The following SLX4IP variants were observed in gnomAD, a reference collection of about 807,000 sequenced individuals.
SLX4IP encodes protein SLX4IP.
A neutral mutation model predicts 32.9 loss-of-function variants in SLX4IP; 34 were observed. The ratio of observed to expected loss-of-function variants is 1.03; its 90% CI spans 0.79 to 1.38. The LOEUF (loss-of-function observed/expected upper bound fraction) is 1.38, where lower values mean the gene tolerates loss of function less well. Among genes scored for constraint, SLX4IP ranks in the 40% most tolerant of loss-of-function variants. The pLI, the probability that SLX4IP is intolerant of heterozygous loss-of-function variation, is 0.00. For synonymous variants in SLX4IP, 172 were observed against 171.7 expected, an observed-to-expected ratio of 1.00 and a Z score of -0.01; for missense variants, 444 against 479.0, an observed-to-expected ratio of 0.93 and a Z score of 0.68.
intron 2 of SLX4IP, among the ~76,000 whole-genome samples, chr20:10,498,789 A>G (rs2083560767): frequency 6.6e-6 from 1 of 151,006 alleles, no homozygotes; most frequent in East Asian, 1.9e-4. Context: ...GATTTTTAAT[A>G]TCCATATTAA....
chr20:10,556,838 A>C (rs1381966925), intron 3 of SLX4IP, among the ~76,000 whole-genome samples: 1 of 152,242 alleles, frequency 6.6e-6, no homozygotes, highest in Non-Finnish European at 1.5e-5. Context: ...CAGGAAAGCC[A>C]GTAGCCGGGG....
At chr20:10,473,281 TA>T (rs2065441864) in intron 2 of SLX4IP, among the ~76,000 whole-genome samples, 1 of 152,156 alleles carries the variant, frequency 6.6e-6, no homozygotes, top group South Asian at 2.1e-4. Flanking sequence ...GCTCAGCAAC[TA>T]AGGGCAGTAG....
intron 2 of SLX4IP, among the ~76,000 whole-genome samples, chr20:10,476,409 A>T (rs1291827510): frequency 1.3e-5 from 2 of 152,162 alleles, no homozygotes; most frequent in African/African-American, 2.4e-5. Flanking sequence ...TTCCATTTGT[A>T]CTTCCTCCAC....
At chr20:10,621,880 T>C (rs1005443022) in intron 7 of SLX4IP, among the ~76,000 whole-genome samples, 2 of 152,228 alleles carry the variant, frequency 1.3e-5, no homozygotes, top group Non-Finnish European at 2.9e-5. Context: ...AGGAAATTTC[T>C]TGCCATTCAC....
At chr20:10,582,570 G>T (rs1218536877) in intron 4 of SLX4IP, among the ~76,000 whole-genome samples, 1 of 152,046 alleles carries the variant, frequency 6.6e-6, no homozygotes, top group Non-Finnish European at 1.5e-5. Flanking sequence ...GTGTGTGTAT[G>T]TATCTATAAC....
Position 10,474,270 on chromosome 20 carries a change from G to A in SLX4IP, c.27+16039G>A, listed in dbSNP as rs139988787. 5.1e-4 allele frequency among the ~76,000 whole-genome samples: 78 copies of A among 152,288 alleles called. 1 individual carries two copies. The highest frequency in any genetic ancestry group is 1.8e-3 in the African/African-American group (74 of 41,558). On this transcript the variant is annotated intron_variant, in intron 2 of 7. Transcript: ENST00000334534. ...TTAAAAGCTTATGAATGGTGTGCTG[G>A]TCTAACAATATTTCAAGTTGTCAAG...
At chr20:10,439,011 A>G (rs543186717) in intron 1 of SLX4IP, among the ~76,000 whole-genome samples, 26 of 151,648 alleles carry the variant, frequency 1.7e-4, no homozygotes, top group Non-Finnish European at 1.2e-4. Flanking sequence ...TGGCCATCAT[A>G]ATTATTTTGA....
intron 2 of SLX4IP, among the ~76,000 whole-genome samples, chr20:10,524,248 A>T (rs1276460947): frequency 1.3e-5 from 2 of 152,226 alleles, no homozygotes; most frequent in African/African-American, 4.8e-5. Context: ...GCAAAACTCC[A>T]GGAAAGGAGG....
At chr20:10,449,991 T>A (rs978437774) in intron 1 of SLX4IP, among the ~76,000 whole-genome samples, 62 of 151,882 alleles carry the variant, frequency 4.1e-4, no homozygotes, top group African/African-American at 1.4e-3. Context: ...TTATTGTGAG[T>A]TGAAAATGTG....
intron 2 of SLX4IP, among the ~76,000 whole-genome samples, chr20:10,488,707 C>G (rs1426576552): frequency 6.6e-6 from 1 of 152,158 alleles, no homozygotes; most frequent in Non-Finnish European, 1.5e-5. Flanking sequence ...GAGTGCATTT[C>G]ATTTCCAGAG....
Position 10,560,762 on chromosome 20 carries a change from C to A in SLX4IP, c.180C>A (p.Arg60=). 1 of 1,608,078 alleles carries A rather than the reference C, an allele frequency of 6.2e-7. No homozygotes were observed. Among genetic ancestry groups the A allele is most frequent in the South Asian group, 1.1e-5 (1 of 90,172 alleles). Residue 60 remains arginine, a synonymous_variant, in exon 4 of 8, where the codon CGC becomes CGA. Coordinates refer to ENST00000334534, the MANE Select transcript of SLX4IP (RefSeq NM_001009608.3). The part of the protein sequence containing the change: ...DSRVQEYLEV[R]KQHRPSNAEF... The stretch of plus-strand genomic sequence containing the variant: ...GAGTTCAGGAGTACTTGGAAGTTCG[C>A]AAACAGCACAGGCCATCAAATGCAG...
chr20:10,608,100 A>G (rs1387807265), intron 6 of SLX4IP, among the ~76,000 whole-genome samples: 1 of 152,204 alleles, frequency 6.6e-6, no homozygotes, highest in African/African-American at 2.4e-5. Context: ...TTGCCTGTGC[A>G]GAGGCCCGTG....
chr20:10,506,542 A>C (rs558054961), intron 2 of SLX4IP, among the ~76,000 whole-genome samples: 1 of 152,352 alleles, frequency 6.6e-6, no homozygotes, highest in South Asian at 2.1e-4. Flanking sequence ...AAGAGAAACA[A>C]ACACTAAATA....
At chr20:10,481,053 A>G (rs1176119510) in intron 2 of SLX4IP, among the ~76,000 whole-genome samples, 1 of 149,712 alleles carries the variant, frequency 6.7e-6, no homozygotes, top group Non-Finnish European at 1.5e-5. Context: ...CTTAACTATA[A>G]CATCTCTCAG....
intron 2 of SLX4IP, among the ~76,000 whole-genome samples, chr20:10,553,025 C>T (rs1323666524): frequency 6.6e-6 from 1 of 152,086 alleles, no homozygotes; most frequent in Admixed American, 6.5e-5. Context: ...TTCCAGAATC[C>T]TTGGAACTTC....
At chr20:10,613,745 C>G (rs2066994537) in intron 6 of SLX4IP, 4 of 1,613,576 alleles carry the variant, frequency 2.5e-6, no homozygotes, top group Admixed American at 3.3e-5. Flanking sequence ...TATTCCTTAT[C>G]CTGGGTTCCT....
chr20:10,446,276 G>A (rs981968990), intron 1 of SLX4IP, among the ~76,000 whole-genome samples: 9 of 151,908 alleles, frequency 5.9e-5, no homozygotes, highest in Non-Finnish European at 1.3e-4. Context: ...GCCAGGTGTG[G>A]TGGCAGGCAC....
At chr20:10,459,401 A>G (rs953480118) in intron 2 of SLX4IP, among the ~76,000 whole-genome samples, 1 of 152,052 alleles carries the variant, frequency 6.6e-6, no homozygotes, top group Non-Finnish European at 1.5e-5. Flanking sequence ...CTTTTGTTGC[A>G]ATTGCTTTTG....
chr20:10,436,518 G>A lies in SLX4IP; in HGVS notation c.-30+1065G>A, dbSNP rs145397906. Among the ~76,000 whole-genome samples, 104 of 152,056 alleles carry A rather than the reference G, an allele frequency of 6.8e-4. No homozygotes were observed. In the East Asian group the frequency reaches 0.014, roughly 21 times the overall value. On this transcript the variant is annotated intron_variant, in intron 1 of 7. Coordinates refer to ENST00000334534, the MANE Select transcript of SLX4IP (RefSeq NM_001009608.3). Reference sequence around the variant, plus strand: ...ATTACAGGCGCGCGCCACCACCCCCGGCTAATTTTTGTATTTTTAGTAGAG... The same window carrying A: ...ATTACAGGCGCGCGCCACCACCCCCAGCTAATTTTTGTATTTTTAGTAGAG...
Sources: allele counts gnomAD v4.1 joint callset (sites outside exome capture counted in the v4.1 genomes callset), GRCh38; gene constraint gnomAD v4.1.1; transcripts MANE v1.5; gene names NCBI Gene and HGNC (gene_info 2026-07-23, HGNC 2026-07-21).